Variants in PC observed in about 807,000 individuals in gnomAD.
PC encodes pyruvate carboxylase, also known as pyruvate carboxylase, mitochondrial.
In PC, 46 loss-of-function variants were observed where a neutral mutation model predicts 107.8. The observed-to-expected ratio is 0.43, with a 90% CI of 0.34 to 0.55. The LOEUF (loss-of-function observed/expected upper bound fraction) is 0.55. Ranked by LOEUF, PC falls within the 20% of genes least tolerant of loss-of-function variation. The probability of loss-of-function intolerance (pLI) is 0.04; values close to 1 mark genes in which losing one functional copy is unlikely to be tolerated. For synonymous variants in PC, 662 were observed against 684.7 expected (o/e 0.97, Z 0.52); for missense variants, 1,241 against 1,643.1 (o/e 0.76, Z 4.23).
At position 66,903,273 on chromosome 11, in the gene PC, G is replaced by T. The variant is rs12223454; in HGVS notation, c.1-31114C>A. The stretch of plus-strand genomic sequence containing the variant: ...TCCTTTCCCCAATCTGAAGGAAGAG[G>T]GCATGTCTTATAATAATTATGAAAA... On this transcript the variant is annotated intron_variant, in intron 3 of 22. Transcript: ENST00000393960. Among the ~76,000 whole-genome samples the T allele has an allele frequency of 7.8e-4, 118 of 152,126 alleles. 1 individual carries two copies. In the East Asian group the frequency reaches 0.022, roughly 29 times the overall value.
Position 66,858,597 on chromosome 11 carries a change from C to T in PC, c.1368+5177G>A, listed in dbSNP as rs1049799706. 6.5e-7 allele frequency: 1 copy of T among 1,534,424 alleles called. No homozygotes were observed. The highest frequency in any genetic ancestry group is 1.2e-5 in the South Asian group (1 of 83,924). ...CTCCTGTGAGCCGCCCCTCATTGCC[C>T]GCCACACGCAGCGCCTCTGGGTGCT... On this transcript the variant is annotated intron_variant, in intron 12 of 22. Transcript: ENST00000393960. This position sits in a 1 kb window ranked among gnomAD's most constrained non-coding sequence, Gnocchi z 5.9.
chr11:66,952,898 G>A (rs1331366357), intron 2 of PC, among the ~76,000 whole-genome samples: 3 of 152,192 alleles, frequency 2.0e-5, no homozygotes, highest in Admixed American at 6.5e-5. Flanking sequence ...AGCTGGAAGC[G>A]CCAGCTGTGC....
chr11:66,902,085 A>G (rs1947977558), intron 3 of PC, among the ~76,000 whole-genome samples: 1 of 152,196 alleles, frequency 6.6e-6, no homozygotes, highest in Non-Finnish European at 1.5e-5. Context: ...AAAGAAATCC[A>G]ATGGGAAACA....
At position 66,848,821 on chromosome 11, in the gene PC, G is replaced by A; in HGVS notation, c.*78C>T. Reference sequence around the variant, plus strand: ...CCCGGCCTTCCTGGCCTCGGGCACTGGCTGGCCTGGGCCTGCCGTGGCAGC... The same window carrying A: ...CCCGGCCTTCCTGGCCTCGGGCACTAGCTGGCCTGGGCCTGCCGTGGCAGC... On this transcript the variant is annotated 3_prime_UTR_variant, in exon 23 of 23. Transcript: ENST00000393960. The A allele has an allele frequency of 1.3e-6, 2 of 1,599,174 alleles. No individual in the cohort carries two copies. The highest frequency in any genetic ancestry group is 1.7e-5 in the Admixed American group (1 of 59,896).
At chr11:66,921,113 C>T (rs994616122) in intron 3 of PC, among the ~76,000 whole-genome samples, 2 of 152,056 alleles carry the variant, frequency 1.3e-5, no homozygotes, top group African/African-American at 2.4e-5. Context: ...CTTGGCTCAA[C>T]GGCCACCTGA....
At chr11:66,926,558 T>A (rs1948717416) in intron 3 of PC, among the ~76,000 whole-genome samples, 2 of 152,198 alleles carry the variant, frequency 1.3e-5, no homozygotes, top group Admixed American at 6.5e-5. Context: ...CCAACTAGAA[T>A]TGTTTAATAT....
Position 66,870,652 on chromosome 11 carries a change from C to T in PC, c.751+123G>A. The T allele has an allele frequency of 8.4e-7, 1 of 1,193,594 alleles. No individual in the cohort carries two copies. 73.9% of individuals were successfully genotyped at this position (1,193,594 alleles called of 1,614,324 possible). A position where few individuals can be genotyped will look rare whatever the true frequency, so the allele number is the denominator to read the frequency against. ...CCCCTAGAGCCCACTTTCCAGAGTC[C>T]TCTGGAAAAGCGCCCGACAGGCCCC... On this transcript the variant is annotated intron_variant, in intron 8 of 22. Transcript: ENST00000393960. This position sits in a 1 kb window ranked among gnomAD's most constrained non-coding sequence, Gnocchi z 6.1.
rs555210692 is a variant in PC at position 66,852,831 on chromosome 11, C to T, written c.1519G>A (p.Val507Ile). Residue 507 changes from valine (V) to isoleucine (I), a missense_variant, in exon 14 of 23, where the codon GTC becomes ATC. This residue lies in a region of PC where 1,143 missense variants were observed against 1,551.9 expected (regional missense o/e 0.74). Coordinates refer to ENST00000393960, the MANE Select transcript of PC (RefSeq NM_001040716.2). The surrounding 1 kb of genome is among the most constrained non-coding windows in gnomAD (Gnocchi z 4.7). ...GGGGTGGTTGGACCGTTTACCATGA[C>T]ATGGCCTGGGGAGAAAGCGGGCAGT... is the stretch of plus-strand genomic sequence containing the variant. ...AQKLLHYLGH[V>I]MVNGPTTPIP... is the part of the protein sequence containing the mutation. 28 of 1,568,778 alleles carry T rather than the reference C, an allele frequency of 1.8e-5. No individual in the cohort carries two copies. In the East Asian group the frequency reaches 5.6e-4, roughly 32 times the overall value.
At chr11:66,954,915 C>T (rs1458881292) in intron 1 of PC, among the ~76,000 whole-genome samples, 1 of 151,806 alleles carries the variant, frequency 6.6e-6, no homozygotes, top group Non-Finnish European at 1.5e-5. Flanking sequence ...TGTACTGCAG[C>T]CTGGGCAACA....
rs771924673 is a variant in PC at position 66,850,851 on chromosome 11, G to C, written c.2296C>G (p.Leu766Val). 6.2e-7 allele frequency: 1 copy of C among 1,611,988 alleles called. No homozygotes were observed. Among genetic ancestry groups the C allele is most frequent in the South Asian group, 1.1e-5 (1 of 91,072 alleles). The change falls in exon 18 of 23, where the codon CTC becomes GTC. Residue 766 changes from leucine to valine, a missense_variant. This residue lies in a region of PC where 1,143 missense variants were observed against 1,551.9 expected (regional missense o/e 0.74). Coordinates refer to ENST00000393960, the MANE Select transcript of PC (RefSeq NM_001040716.2). ...VSSLRDRFPDLPLHIHTHDTS... is the reference protein window; with the variant it reads ...VSSLRDRFPDVPLHIHTHDTS... ...TCGTGGGTGTGGATGTGCAGTGGGA[G>C]GTCGGGGAAGCGGTCCCGGAGGGAG...
At chr11:66,884,213 C>T (rs1399409834) in intron 3 of PC, among the ~76,000 whole-genome samples, 1 of 147,594 alleles carries the variant, frequency 6.8e-6, no homozygotes, top group Admixed American at 6.8e-5. Context: ...TATTGCACTC[C>T]AGCCTGGGCA....
At chr11:66,941,083 A>AT (rs1949117949) in intron 3 of PC, among the ~76,000 whole-genome samples, 1 of 140,282 alleles carries the variant, frequency 7.1e-6, no homozygotes. Context: ...CCATCTAAAA[A>AT]AAAAAAAAAA....
intron 3 of PC, among the ~76,000 whole-genome samples, chr11:66,876,919 C>T (rs1039702050): frequency 1.3e-5 from 2 of 152,150 alleles, no homozygotes; most frequent in African/African-American, 4.8e-5. Flanking sequence ...CTTGAACCCA[C>T]GAGAAAGCAA....
chr11:66,893,953 C>T (rs768575990), intron 3 of PC, among the ~76,000 whole-genome samples: 56 of 151,916 alleles, frequency 3.7e-4, no homozygotes, highest in Non-Finnish European at 7.1e-4. Flanking sequence ...GAAGTCTGGG[C>T]AGTTTTACCT....
intron 11 of PC, among the ~76,000 whole-genome samples, chr11:66,865,365 CT>C (rs568137528): frequency 6.9e-4 from 105 of 152,378 alleles, no homozygotes; most frequent in Non-Finnish European, 1.2e-3. Flanking sequence ...GTCTTGCCTC[CT>C]TTGGGGCTCA....
In PC at chr11:66,850,056, T is replaced by C. The variant is rs758667769; in HGVS notation, c.2779A>G (p.Ser927Gly). The C allele has an allele frequency of 1.9e-6, 3 of 1,613,684 alleles. No individual in the cohort carries two copies. In the South Asian group the frequency reaches 3.3e-5, roughly 18 times the overall value. Residue 927 changes from serine (S) to glycine (G), a missense_variant, in exon 20 of 23, where the codon AGC becomes GGC. Ser to Gly is a moderately conservative substitution (Grantham distance 56). This residue lies in a region of PC where 1,143 missense variants were observed against 1,551.9 expected (regional missense o/e 0.74). Coordinates refer to ENST00000393960, the MANE Select transcript of PC (RefSeq NM_001040716.2). ...LAQFMVQNGLSRAEAEAQAEE... is the reference protein window; with the variant it reads ...LAQFMVQNGLGRAEAEAQAEE... The stretch of plus-strand genomic sequence containing the variant: ...GCCTGAGCTTCGGCCTCTGCCCGGC[T>C]CAATCCATTCTGCACCATAAACTGG...
chr11:66,858,747 A>T lies in PC; in HGVS notation c.1368+5027T>A. On this transcript the variant is annotated intron_variant, in intron 12 of 22. Transcript: ENST00000393960. The surrounding 1 kb of genome is among the most constrained non-coding windows in gnomAD (Gnocchi z 5.9). ...CCGAGCCCGGGCTTTCCCCAACGGGACCTTAGAGATTGGGGTGACCGGCGC... is the reference window on the plus strand; with the variant it reads ...CCGAGCCCGGGCTTTCCCCAACGGGTCCTTAGAGATTGGGGTGACCGGCGC... The T allele has an allele frequency of 6.4e-7, 1 of 1,554,668 alleles. No homozygotes were observed. Among genetic ancestry groups the T allele is most frequent in the Non-Finnish European group, 8.7e-7 (1 of 1,149,380 alleles).
intron 3 of PC, among the ~76,000 whole-genome samples, chr11:66,923,061 T>C (rs111451035): frequency 0.09 from 13,726 of 152,110 alleles, 768 homozygotes; most frequent in South Asian, 0.13. Context: ...CACACAATAA[T>C]GTGGGGCAAG....
chr11:66,877,321 A>G (rs577982049), intron 3 of PC, among the ~76,000 whole-genome samples: 1 of 152,178 alleles, frequency 6.6e-6, no homozygotes, highest in Non-Finnish European at 1.5e-5. Flanking sequence ...GTGAGGCGGA[A>G]GTTGCAGTGA....
Sources: allele counts gnomAD v4.1 joint callset (sites outside exome capture counted in the v4.1 genomes callset), GRCh38; gene constraint gnomAD v4.1.1; regional missense constraint gnomAD v4.1.1; non-coding constraint Gnocchi (gnomAD v3.1); transcripts MANE v1.5; gene names NCBI Gene and HGNC (gene_info 2026-07-23, HGNC 2026-07-21).